The following POLD3 variants were observed in gnomAD, a reference collection of about 807,000 sequenced individuals.
POLD3 encodes DNA polymerase delta 3, accessory subunit.
A neutral mutation model predicts 58.2 loss-of-function variants in POLD3; 19 were observed. The observed-to-expected ratio is 0.33, with a 90% confidence interval of 0.23 to 0.48. The LOEUF (loss-of-function observed/expected upper bound fraction) is 0.48, where lower values mean the gene tolerates loss of function less well. Among genes scored for constraint, POLD3 ranks in the 20% least tolerant of loss-of-function variants. The pLI is 0.99. For missense variants in POLD3, 504 were observed against 545.5 expected, an observed-to-expected ratio of 0.92 and a Z score of 0.76; for synonymous variants, 172 against 193.5, an observed-to-expected ratio of 0.89 and a Z score of 0.92.
intron 4 of POLD3, among the ~76,000 whole-genome samples, chr11:74,654,462 A>G (rs928401730): frequency 2.0e-5 from 3 of 152,258 alleles, no homozygotes; most frequent in African/African-American, 7.2e-5. Flanking sequence ...TTAGGGGAAT[A>G]TAGAATGATG....
At chr11:74,607,516 G>A (rs1334119953) in intron 3 of POLD3, among the ~76,000 whole-genome samples, 4 of 151,230 alleles carry the variant, frequency 2.6e-5, no homozygotes, top group Non-Finnish European at 5.9e-5. Flanking sequence ...TCCACCCACC[G>A]CGGCCTCCCA....
At chr11:74,663,065 G>A (rs963928575) in intron 4 of POLD3, among the ~76,000 whole-genome samples, 4 of 152,296 alleles carry the variant, frequency 2.6e-5, no homozygotes, top group East Asian at 3.9e-4. Context: ...CTATAATTTC[G>A]AAGTTAAAAC....
chr11:74,644,886 T>A (rs1431262163), downstream of POLD3, among the ~76,000 whole-genome samples: 1 of 152,236 alleles, frequency 6.6e-6, no homozygotes, highest in Non-Finnish European at 1.5e-5. Context: ...TCATGGCATG[T>A]CTTTTACCGG....
At chr11:74,604,625 A>T in intron 2 of POLD3, 67 bp from the exon 3 acceptor site, 1 of 830,582 alleles carries the variant, frequency 1.2e-6, no homozygotes, top group Non-Finnish European at 2.0e-6. Context: ...TTAAGTCATT[A>T]ATTAAGAGTT....
Position 74,666,958 on chromosome 11 carries a change from C to G in POLD3, c.370-1819C>G, listed in dbSNP as rs541842422. Among the ~76,000 whole-genome samples, 571 of 81,178 alleles carry G rather than the reference C, an allele frequency of 7.0e-3. 2 individuals are homozygous for G. The highest frequency in any genetic ancestry group is 0.02 in the African/African-American group (481 of 24,136). 53.3% of individuals were successfully genotyped at this position (81,178 alleles called of 152,430 possible). On this transcript the variant is annotated intron_variant, in intron 4 of 4. Coordinates refer to the POLD3 transcript ENST00000524752. ...TATGAGCAATTGATGTTTAAAGTTG[C>G]TAAAAAAAAAAAAAAAAAAATCAAT... is the stretch of plus-strand genomic sequence containing the variant.
intron 2 of POLD3, 75 bp from the exon 3 acceptor site, chr11:74,604,617 A>T: frequency 1.2e-6 from 1 of 807,590 alleles, no homozygotes; most frequent in Non-Finnish European, 2.1e-6. Flanking sequence ...TTTATCTTTT[A>T]AGTCATTAAT....
chr11:74,618,450 T>C, intron 5 of POLD3, 87 bp from the exon 6 acceptor site: 2 of 906,522 alleles, frequency 2.2e-6, no homozygotes, highest in East Asian at 2.4e-5. Context: ...AGTTTTATAC[T>C]GACATTAGTT....
intron 4 of POLD3, among the ~76,000 whole-genome samples, chr11:74,655,529 T>C (rs2135196383): frequency 6.6e-6 from 1 of 152,312 alleles, no homozygotes; most frequent in East Asian, 1.9e-4. Flanking sequence ...AAAAACTTTA[T>C]CAATCAACTT....
At chr11:74,595,721 G>T (rs1409736362) in intron 2 of POLD3, among the ~76,000 whole-genome samples, 1 of 152,126 alleles carries the variant, frequency 6.6e-6, no homozygotes, top group East Asian at 1.9e-4. Context: ...GGGCTCAGGT[G>T]ATTTTCCCAC....
intron 9 of POLD3, among the ~76,000 whole-genome samples, chr11:74,632,968 G>GTC (rs1366417961): frequency 6.8e-6 from 1 of 148,070 alleles, no homozygotes; most frequent in Admixed American, 6.7e-5. Flanking sequence ...AAATCGTGGT[G>GTC]TCTCTGCCTT....
chr11:74,630,339 A>G (rs1459065905), intron 9 of POLD3, among the ~76,000 whole-genome samples: 1 of 152,230 alleles, frequency 6.6e-6, no homozygotes, highest in Non-Finnish European at 1.5e-5. Flanking sequence ...AAAAAAACAA[A>G]TTATATATAC....
intron 9 of POLD3, among the ~76,000 whole-genome samples, chr11:74,632,423 G>A (rs1047150096): frequency 6.6e-6 from 1 of 152,186 alleles, no homozygotes; most frequent in African/African-American, 2.4e-5. Flanking sequence ...CTTTATGTCT[G>A]TGTCAGTAAA....
At chr11:74,631,273 A>C (rs918778958) in intron 9 of POLD3, among the ~76,000 whole-genome samples, 5 of 152,222 alleles carry the variant, frequency 3.3e-5, no homozygotes, top group Admixed American at 2.6e-4. Flanking sequence ...GGAGTCAGGC[A>C]GACCTGGGTT....
intron 2 of POLD3, among the ~76,000 whole-genome samples, chr11:74,596,037 T>A (rs866422384): frequency 6.6e-6 from 1 of 151,078 alleles, no homozygotes; most frequent in Non-Finnish European, 1.5e-5. Flanking sequence ...CTTATTTTTT[T>A]TTTTTTTTTA....
chr11:74,640,806 G>T lies in POLD3; in HGVS notation c.*40G>T, dbSNP rs746707055. Reference sequence around the variant, plus strand: ...TAGATCAGAGACTTGGAGTGGTCAAGGGAGAAGACCAAGAAATGTACTCCT... The same window carrying T: ...TAGATCAGAGACTTGGAGTGGTCAATGGAGAAGACCAAGAAATGTACTCCT... On this transcript the variant is annotated 3_prime_UTR_variant, in exon 12 of 12. Transcript: ENST00000263681. The T allele has an allele frequency of 6.7e-7, 1 of 1,491,312 alleles. No homozygotes were observed. The highest frequency in any genetic ancestry group is 8.9e-7 in the Non-Finnish European group (1 of 1,121,966). The allele number at this position is 1,491,312 out of a possible 1,614,324, so 92.4% of individuals were successfully genotyped here.
chr11:74,615,077 T>G (rs1184454600), intron 5 of POLD3, among the ~76,000 whole-genome samples: 1 of 152,056 alleles, frequency 6.6e-6, no homozygotes, highest in African/African-American at 2.4e-5. Context: ...ATGTATAGAA[T>G]GAAAGAAGGG....
chr11:74,609,372 A>ATTTTTTTTTTTTTTTTTTTT, intron 3 of POLD3, among the ~76,000 whole-genome samples: 1 of 27,210 alleles, frequency 3.7e-5, no homozygotes, highest in Non-Finnish European at 6.1e-5. Flanking sequence ...ATATATATAT[A>ATTTTTTTTTTTTTTTTTTTT]TTTTTTTTTT....
At chr11:74,654,694 T>G (rs9651763) in intron 4 of POLD3, among the ~76,000 whole-genome samples, 124,505 of 152,136 alleles carry the variant, frequency 0.82, 51,131 homozygotes, top group Middle Eastern at 0.94. Context: ...TTGGTCACCA[T>G]AGTAATTGTG....
chr11:74,632,877 TACACACACACACACACACAC>T (rs71036003), intron 9 of POLD3, among the ~76,000 whole-genome samples: 2,749 of 115,690 alleles, frequency 0.024, 74 homozygotes, highest in East Asian at 0.063. Flanking sequence ...TTTAAGTAAA[TACACACACACACACACACAC>T]ACACACACAC....
Sources: allele counts gnomAD v4.1 joint callset (sites outside exome capture counted in the v4.1 genomes callset), GRCh38; gene constraint gnomAD v4.1.1; transcripts MANE v1.5; gene names NCBI Gene and HGNC (gene_info 2026-07-23, HGNC 2026-07-21).